GRID1: variants seen among roughly 807,000 people sequenced by gnomAD.
The protein encoded by GRID1 is glutamate receptor ionotropic, delta-1.
A neutral mutation model predicts 98.0 loss-of-function variants in GRID1; 28 were observed. That is an observed-to-expected ratio of 0.29 (90% confidence interval 0.21 to 0.39). The LOEUF is 0.39. Ranked by LOEUF, GRID1 falls within the 10% of genes least tolerant of loss-of-function variation. The pLI, the probability that GRID1 is intolerant of heterozygous loss-of-function variation, is 1.00. For synonymous variants in GRID1, 553 were observed against 538.5 expected (o/e 1.03, Z -0.37); for missense variants, 1,111 against 1,340.5 (o/e 0.83, Z 2.67).
At chr10:85,679,103 T>C (rs1841178440) in intron 12 of GRID1, among the ~76,000 whole-genome samples, 1 of 152,190 alleles carries the variant, frequency 6.6e-6, no homozygotes, top group African/African-American at 2.4e-5. Flanking sequence ...CTGCCATAAC[T>C]ACCATGGCAG....
chr10:85,846,919 TAC>T (rs1843011909), intron 8 of GRID1, among the ~76,000 whole-genome samples: 1 of 152,220 alleles, frequency 6.6e-6, no homozygotes, highest in South Asian at 2.1e-4. Context: ...CAGAAAATTG[TAC>T]AGTCAAATTC....
At chr10:86,356,789 A>T (rs143746939) in intron 2 of GRID1, among the ~76,000 whole-genome samples, 1,849 of 152,366 alleles carry the variant, frequency 0.012, 25 homozygotes, top group Middle Eastern at 0.051. Context: ...AAGTGTAAAA[A>T]GAATCACATC....
chr10:86,049,980 T>A (rs1292686618), intron 4 of GRID1, among the ~76,000 whole-genome samples: 1 of 152,200 alleles, frequency 6.6e-6, no homozygotes, highest in Non-Finnish European at 1.5e-5. Context: ...GAGAGCTCAA[T>A]CTGATTTTCT....
chr10:85,766,223 C>G (rs925081667), intron 8 of GRID1, among the ~76,000 whole-genome samples: 1 of 152,228 alleles, frequency 6.6e-6, no homozygotes, highest in African/African-American at 2.4e-5. Flanking sequence ...CAGTGGCTCA[C>G]GCCTATAATC....
At chr10:86,171,653 G>A (rs1278606732) in intron 3 of GRID1, among the ~76,000 whole-genome samples, 2 of 152,170 alleles carry the variant, frequency 1.3e-5, no homozygotes, top group Non-Finnish European at 2.9e-5. Context: ...AGATTTCCAA[G>A]CTTCAAAGAC....
intron 12 of GRID1, chr10:85,647,621 A>C (rs1234574819): frequency 3.9e-6 from 2 of 511,212 alleles, no homozygotes; most frequent in Admixed American, 6.4e-5. Flanking sequence ...TAATTCAATA[A>C]GATGACTGGG....
At chr10:85,876,085 C>T (rs1010913130) in intron 5 of GRID1, among the ~76,000 whole-genome samples, 1 of 152,218 alleles carries the variant, frequency 6.6e-6, no homozygotes, top group African/African-American at 2.4e-5. Flanking sequence ...AGTAATATGG[C>T]ACTGACTTCT....
intron 5 of GRID1, among the ~76,000 whole-genome samples, chr10:85,908,675 G>A (rs967088115): frequency 3.9e-5 from 6 of 152,220 alleles, no homozygotes; most frequent in African/African-American, 1.4e-4. Context: ...TTTAGAAGCT[G>A]ACAAGCTGAT....
At chr10:85,701,531 A>G (rs989735114) in intron 12 of GRID1, among the ~76,000 whole-genome samples, 1 of 152,162 alleles carries the variant, frequency 6.6e-6, no homozygotes, top group Non-Finnish European at 1.5e-5. Flanking sequence ...GATAATGGGG[A>G]TTTAAATTTA....
At chr10:85,834,463 A>G (rs1401418647) in intron 8 of GRID1, among the ~76,000 whole-genome samples, 2 of 152,214 alleles carry the variant, frequency 1.3e-5, no homozygotes, top group Non-Finnish European at 2.9e-5. Context: ...TGGATAAATA[A>G]CATTTACTAA....
rs78400104 is a variant in GRID1, at chr10:85,995,785, C to T, written c.727-79546G>A. ...AAGCCACAGCTGATTGGAGAACCATCAAAGAGTCCCTCAGAATAGGAAAAG... is the reference window on the plus strand; with the variant it reads ...AAGCCACAGCTGATTGGAGAACCATTAAAGAGTCCCTCAGAATAGGAAAAG... On this transcript the variant is annotated intron_variant, in intron 4 of 15. Coordinates refer to ENST00000327946, the MANE Select transcript of GRID1 (RefSeq NM_017551.3). 1.6e-3 allele frequency among the ~76,000 whole-genome samples: 242 copies of T among 152,316 alleles called. 4 individuals carry two copies. In the East Asian group the frequency reaches 0.024, roughly 15 times the overall value.
intron 9 of GRID1, among the ~76,000 whole-genome samples, chr10:85,729,067 T>C (rs1284017652): frequency 6.6e-6 from 1 of 152,222 alleles, no homozygotes; most frequent in Admixed American, 6.5e-5. Context: ...CCGAATGGTC[T>C]TCATTCTGAA....
intron 3 of GRID1, among the ~76,000 whole-genome samples, chr10:86,179,590 G>T (rs754677940): frequency 2.0e-5 from 3 of 152,128 alleles, no homozygotes; most frequent in Non-Finnish European, 4.4e-5. Context: ...GGGGCCTCAA[G>T]TCCCCTTCTG....
chr10:86,010,246 A>G (rs550015754), intron 4 of GRID1, among the ~76,000 whole-genome samples: 1 of 152,354 alleles, frequency 6.6e-6, no homozygotes, highest in Non-Finnish European at 1.5e-5. Context: ...GATGTTATTA[A>G]TTCATTAGAC....
intron 4 of GRID1, among the ~76,000 whole-genome samples, chr10:85,919,760 T>C (rs1257584171): frequency 6.6e-6 from 1 of 152,248 alleles, no homozygotes; most frequent in African/African-American, 2.4e-5. Flanking sequence ...GGAATCCCAG[T>C]TCTGCCACTT....
intron 4 of GRID1, among the ~76,000 whole-genome samples, chr10:85,927,930 G>A (rs1841798513): frequency 6.6e-6 from 1 of 152,232 alleles, no homozygotes; most frequent in African/African-American, 2.4e-5. Flanking sequence ...CGACAGCAGG[G>A]TATGGGGCAT....
chr10:85,867,742 C>A (rs754461234), intron 6 of GRID1, among the ~76,000 whole-genome samples: 1 of 152,214 alleles, frequency 6.6e-6, no homozygotes, highest in Non-Finnish European at 1.5e-5. Context: ...ACCCCTCCAC[C>A]GCCTTAGAAA....
chr10:85,741,167 G>A (rs1322658075), intron 8 of GRID1, among the ~76,000 whole-genome samples: 1 of 152,050 alleles, frequency 6.6e-6, no homozygotes, highest in African/African-American at 2.4e-5. Flanking sequence ...CTCATTAAAT[G>A]GCTGGAATTT....
rs527768038 is a variant in GRID1 at position 86,309,874 on chromosome 10, C to T, written c.235+54067G>A. Among the ~76,000 whole-genome samples, 3 of 152,326 alleles carry T rather than the reference C, an allele frequency of 2.0e-5. No individual in the cohort carries two copies. The South Asian group carries it at 6.2e-4, about 32-fold the overall frequency. ...GGAGAGACATCCTAAGAGAGGATGCCAGTGCCTCAATGATTTCAGCCTCTG... is the reference window on the plus strand; with the variant it reads ...GGAGAGACATCCTAAGAGAGGATGCTAGTGCCTCAATGATTTCAGCCTCTG... On this transcript the variant is annotated intron_variant, in intron 2 of 15. Transcript: ENST00000327946.
Sources: allele counts gnomAD v4.1 joint callset (sites outside exome capture counted in the v4.1 genomes callset), GRCh38; gene constraint gnomAD v4.1.1; transcripts MANE v1.5; gene names NCBI Gene and HGNC (gene_info 2026-07-23, HGNC 2026-07-21).